The following BTBD8 variants were observed in gnomAD, a reference collection of about 807,000 sequenced individuals.
BTBD8 encodes BTB domain containing 8, also known as BTB/POZ domain-containing protein 8.
In BTBD8, 110 loss-of-function variants were observed where a neutral mutation model predicts 162.9. That is an observed-to-expected ratio of 0.68 (90% CI 0.58 to 0.79). BTBD8 has a LOEUF of 0.79. BTBD8 is among the 30% of genes least tolerant of loss of function. BTBD8 has a pLI of 0.00. For synonymous variants in BTBD8, 667 were observed against 716.1 expected (o/e 0.93, Z 1.10); for missense variants, 1,905 against 2,085.4 (o/e 0.91, Z 1.68).
intron 9 of BTBD8, among the ~76,000 whole-genome samples, chr1:92,166,743 A>C (rs1422061087): frequency 1.3e-5 from 2 of 152,034 alleles, no homozygotes; most frequent in African/African-American, 4.8e-5. Flanking sequence ...CTACCTTTTA[A>C]AGGTGGTTTC....
chr1:92,117,326 T>A (rs562356169), intron 4 of BTBD8, among the ~76,000 whole-genome samples: 7 of 143,912 alleles, frequency 4.9e-5, no homozygotes, highest in African/African-American at 1.6e-4. Flanking sequence ...TTGAACTTTA[T>A]TGTTTTTCTT....
chr1:92,126,260 T>G, intron 4 of BTBD8: 2 of 592,980 alleles, frequency 3.4e-6, no homozygotes, highest in South Asian at 1.4e-5. Context: ...ATGAAGAGTT[T>G]GTTGAAGTGG....
chr1:92,182,316 A>G lies in BTBD8; in HGVS notation c.4633A>G (p.Arg1545Gly). The change falls in exon 17 of 18, where the codon AGA (arginine) becomes GGA (glycine). Residue 1545 changes from arginine (R) to glycine (G), a missense_variant. Physicochemically the swap from Arg to Gly is moderately radical, Grantham distance 125. Coordinates refer to ENST00000636805, the MANE Select transcript of BTBD8 (RefSeq NM_001376131.1). ...KKNTIDVLSS[R>G]SRQLLREDKK... Reference sequence around the variant, plus strand: ...GAACACAATAGACGTCCTATCCAGTAGAAGCAGACAGCTTCTTCGAGAAGA... The same window carrying G: ...GAACACAATAGACGTCCTATCCAGTGGAAGCAGACAGCTTCTTCGAGAAGA... 1 of 1,551,044 alleles carries G rather than the reference A, an allele frequency of 6.4e-7. No individual in the cohort carries two copies. The highest frequency in any genetic ancestry group is 1.2e-5 in the South Asian group (1 of 83,812).
intron 5 of BTBD8, among the ~76,000 whole-genome samples, chr1:92,131,766 A>G (rs1181315026): frequency 6.6e-6 from 1 of 151,506 alleles, no homozygotes; most frequent in African/African-American, 2.4e-5. Flanking sequence ...ATGATGATCT[A>G]ATTAAATTCT....
At chr1:92,131,714 ACT>A (rs1649520169) in intron 5 of BTBD8, among the ~76,000 whole-genome samples, 1 of 145,956 alleles carries the variant, frequency 6.9e-6, no homozygotes, top group Admixed American at 6.8e-5. Context: ...ACAGAGCGAG[ACT>A]CTGTCTCAAA....
intron 7 of BTBD8, among the ~76,000 whole-genome samples, chr1:92,146,696 G>A (rs922959083): frequency 6.6e-6 from 1 of 152,024 alleles, no homozygotes; most frequent in Non-Finnish European, 1.5e-5. Context: ...TAATATAGTT[G>A]CAATCATACA....
At chr1:92,101,690 T>C (rs1330873582) in intron 2 of BTBD8, among the ~76,000 whole-genome samples, 1 of 152,212 alleles carries the variant, frequency 6.6e-6, no homozygotes, top group Non-Finnish European at 1.5e-5. Flanking sequence ...CTGCTGTTTA[T>C]TTTTTATTTT....
At chr1:92,118,281 T>A (rs1028120617) in intron 4 of BTBD8, among the ~76,000 whole-genome samples, 2 of 105,618 alleles carry the variant, frequency 1.9e-5, no homozygotes, top group South Asian at 4.0e-4. Flanking sequence ...TTTCAGACTT[T>A]CTTTTTTTTT....
At chr1:92,125,684 C>T (rs995009855) in intron 4 of BTBD8, 4 of 358,858 alleles carry the variant, frequency 1.1e-5, no homozygotes, top group Non-Finnish European at 2.2e-5. Context: ...ATACCAAAAG[C>T]CATTATAAGG....
At chr1:92,142,010 T>C (rs1264213086) in intron 7 of BTBD8, among the ~76,000 whole-genome samples, 1 of 152,242 alleles carries the variant, frequency 6.6e-6, no homozygotes, top group African/African-American at 2.4e-5. Flanking sequence ...GGTCTTTTTC[T>C]ACCTCCCTAC....
In BTBD8 at chr1:92,177,535, A is replaced by C; in HGVS notation, c.2342A>C (p.Asn781Thr). 6.5e-7 allele frequency: 1 copy of C among 1,532,930 alleles called. No homozygotes were observed. Among genetic ancestry groups the C allele is most frequent in the Non-Finnish European group, 8.8e-7 (1 of 1,138,506 alleles). 95.0% of individuals were successfully genotyped at this position (1,532,930 alleles called of 1,614,324 possible). A position where few individuals can be genotyped will look rare whatever the true frequency, so the allele number is the denominator to read the frequency against. Residue 781 changes from asparagine to threonine, a missense_variant, in exon 14 of 18, where the codon AAT becomes ACT. Physicochemically the swap from Asn to Thr is moderately conservative, Grantham distance 65. Transcript: ENST00000636805. ...AAAAACAGTGTAGATAGTGTCAAAA[A>C]TTCCACTGTAGGTGGGTTTTAGCAC... ...MMKNSVDSVK[N>T]STVAIKSRPV...
intron 9 of BTBD8, among the ~76,000 whole-genome samples, chr1:92,164,508 A>G (rs1329190878): frequency 6.6e-6 from 1 of 152,008 alleles, no homozygotes. Context: ...AATACCAGCT[A>G]TTTGCATGAC....
intron 9 of BTBD8, among the ~76,000 whole-genome samples, chr1:92,153,200 T>C (rs187551366): frequency 2.3e-4 from 35 of 152,116 alleles, no homozygotes; most frequent in African/African-American, 8.0e-4. Context: ...AATTTCATTT[T>C]AAAAAAATTT....
At chr1:92,082,830 G>GT (rs1340496813) in intron 1 of BTBD8, among the ~76,000 whole-genome samples, 1 of 151,992 alleles carries the variant, frequency 6.6e-6, no homozygotes, top group Non-Finnish European at 1.5e-5. Flanking sequence ...CAAATGGACT[G>GT]TTATTCAGGG....
rs140314437 is a variant in BTBD8 at position 92,095,409 on chromosome 1, C to T, written c.347+6514C>T. ...CCAACCCTGTTGCTTCCCTGTGTGG[C>T]CCTGCATGGTGTGCCCCCTCCTCTT... On this transcript the variant is annotated intron_variant, in intron 2 of 17. Coordinates refer to ENST00000636805, the MANE Select transcript of BTBD8 (RefSeq NM_001376131.1). Among the ~76,000 whole-genome samples, 795 of 152,304 alleles carry T rather than the reference C, an allele frequency of 5.2e-3. 1 individual carries two copies. Among genetic ancestry groups the T allele is most frequent in the African/African-American group, 0.018 (760 of 41,574 alleles).
At chr1:92,167,664 A>C (rs939199855) in intron 10 of BTBD8, among the ~76,000 whole-genome samples, 184 bp from the exon 11 acceptor site, 2 of 152,244 alleles carry the variant, frequency 1.3e-5, no homozygotes, top group African/African-American at 4.8e-5. Context: ...GTATAATAAA[A>C]ATAAATAAAT....
At chr1:92,106,651 ACT>A (rs1274281990) in intron 3 of BTBD8, among the ~76,000 whole-genome samples, 1 of 90,852 alleles carries the variant, frequency 1.1e-5, no homozygotes, top group African/African-American at 4.6e-5. Flanking sequence ...ACAGAGTAAG[ACT>A]CTGTCTCAAA....
chr1:92,140,989 A>G, intron 6 of BTBD8, 126 bp from the exon 7 acceptor site: 1 of 1,084,198 alleles, frequency 9.2e-7, no homozygotes, highest in Non-Finnish European at 1.2e-6. Context: ...TAAGGCAGAA[A>G]ATTAGAATTA....
intron 2 of BTBD8, among the ~76,000 whole-genome samples, chr1:92,094,814 A>G (rs1320301380): frequency 5.9e-5 from 9 of 152,124 alleles, no homozygotes; most frequent in Admixed American, 2.6e-4. Flanking sequence ...GGACCTTTGG[A>G]TGTTTAGTTT....
Sources: gnomAD v4.1 joint callset for allele counts (sites outside exome capture counted in the v4.1 genomes callset) on GRCh38, gnomAD v4.1.1 for gene constraint, MANE v1.5 for transcripts, NCBI Gene and HGNC (gene_info 2026-07-23, HGNC 2026-07-21) for gene names.